Variants in SEPTIN11 observed in about 807,000 individuals in gnomAD.
SEPTIN11 encodes septin 11, also known as septin-11.
Under a neutral mutation model 51.4 loss-of-function variants are expected in SEPTIN11, and 25 were observed. The ratio of observed to expected loss-of-function variants is 0.49; its 90% CI spans 0.35 to 0.68. The LOEUF is 0.68. Among genes scored for constraint, SEPTIN11 ranks in the 30% least tolerant of loss-of-function variants. The pLI is 0.00. For synonymous variants in SEPTIN11, 174 were observed against 184.1 expected (o/e 0.95, Z 0.44); for missense variants, 381 against 520.8 (o/e 0.73, Z 2.61).
chr4:77,028,776 C>G lies in SEPTIN11; in HGVS notation c.1086+15C>G. 6.3e-7 allele frequency: 1 copy of G among 1,599,074 alleles called. No homozygotes were observed. Among genetic ancestry groups the G allele is most frequent in the Non-Finnish European group, 8.5e-7 (1 of 1,175,028 alleles). On this transcript the variant is annotated intron_variant, in intron 8 of 9. Coordinates refer to ENST00000264893, the MANE Select transcript of SEPTIN11 (RefSeq NM_018243.4). ...CAGAGAAAGAGGTAAGCCATCTGTC[C>G]TGCTTCAAGGGAAAGATTTGTAAGA...
intron 4 of SEPTIN11, among the ~76,000 whole-genome samples, chr4:77,013,566 G>C (rs1327179285): frequency 6.6e-6 from 1 of 152,168 alleles, no homozygotes; most frequent in African/African-American, 2.4e-5. Flanking sequence ...GAAGTTTCTT[G>C]TTCCTCTGGT....
chr4:76,959,395 T>C lies in SEPTIN11; in HGVS notation c.27+9465T>C, dbSNP rs184479138. ...TCCCAAAATGCTGAGGTTACAGTTA[T>C]GAGCCACGGGCACATGGCCAGATTA... On this transcript the variant is annotated intron_variant, in intron 1 of 9. Transcript: ENST00000264893. Among the ~76,000 whole-genome samples the C allele has an allele frequency of 6.6e-5, 10 of 151,912 alleles. No homozygotes were observed. In the East Asian group the frequency reaches 1.9e-3, roughly 29 times the overall value.
chr4:77,018,859 A>G (rs893683315), intron 5 of SEPTIN11, among the ~76,000 whole-genome samples: 1 of 152,240 alleles, frequency 6.6e-6, no homozygotes, highest in Non-Finnish European at 1.5e-5. Context: ...TGTTCCTACA[A>G]GCTGTATTTC....
At chr4:77,025,558 G>A (rs576032347) in intron 7 of SEPTIN11, among the ~76,000 whole-genome samples, 1 of 150,656 alleles carries the variant, frequency 6.6e-6, no homozygotes, top group South Asian at 2.1e-4. Context: ...AAAAAAAAAA[G>A]ATGTAAAATC....
intron 1 of SEPTIN11, among the ~76,000 whole-genome samples, chr4:76,986,693 TA>T (rs1484460710): frequency 3.3e-5 from 5 of 152,198 alleles, no homozygotes; most frequent in Admixed American, 6.5e-5. Context: ...GACTTGGTTC[TA>T]CTATTAGAAA....
At chr4:77,026,000 T>C (rs17002332) in intron 7 of SEPTIN11, among the ~76,000 whole-genome samples, 11,360 of 152,178 alleles carry the variant, frequency 0.075, 841 homozygotes, top group African/African-American at 0.19. Flanking sequence ...GGACTGCAGG[T>C]TTCACTATAA....
At chr4:76,990,520 C>T (rs559303742) in intron 1 of SEPTIN11, among the ~76,000 whole-genome samples, 1 of 152,320 alleles carries the variant, frequency 6.6e-6, no homozygotes, top group African/African-American at 2.4e-5. Context: ...GCATTACCGC[C>T]TGAGTTCTGC....
In SEPTIN11 at chr4:77,020,545, G is replaced by A; in HGVS notation, c.828G>A (p.Met276Ile). 1.2e-6 allele frequency: 2 copies of A among 1,614,008 alleles called. No individual in the cohort carries two copies. The highest frequency in any genetic ancestry group is 3.3e-4 in the Middle Eastern group (2 of 6,062). ...NHCDFVKLRE[M>I]LIRVNMEDLR... ...GCGATTTTGTGAAACTTCGAGAGAT[G>A]CTGATCCGCGTGAACATGGAGGACT... is the stretch of plus-strand genomic sequence containing the variant. Residue 276 changes from methionine (M) to isoleucine (I), a missense_variant, in exon 7 of 10, where the codon ATG becomes ATA. This residue lies in a region of SEPTIN11 where 197 missense variants were observed against 313.1 expected (regional missense o/e 0.63). Transcript: ENST00000264893.
At chr4:77,014,143 C>A (rs548814911) in intron 4 of SEPTIN11, among the ~76,000 whole-genome samples, 2 of 152,084 alleles carry the variant, frequency 1.3e-5, no homozygotes, top group Admixed American at 6.6e-5. Context: ...TTGCCTTTGG[C>A]GCTCGATTTT....
intron 7 of SEPTIN11, among the ~76,000 whole-genome samples, chr4:77,027,384 C>T (rs1726241648): frequency 6.6e-6 from 1 of 152,198 alleles, no homozygotes; most frequent in Non-Finnish European, 1.5e-5. Flanking sequence ...GATCCTCCTG[C>T]CTCGGCCTCC....
Position 77,036,847 on chromosome 4 carries a change from G to A in SEPTIN11, c.*2335G>A, listed in dbSNP as rs1727063777. 1.4e-6 allele frequency: 2 copies of A among 1,481,314 alleles called. No homozygotes were observed. 91.8% of individuals were successfully genotyped at this position (1,481,314 alleles called of 1,614,324 possible). On this transcript the variant is annotated 3_prime_UTR_variant, in exon 10 of 10. Coordinates refer to ENST00000264893, the MANE Select transcript of SEPTIN11 (RefSeq NM_018243.4). The stretch of plus-strand genomic sequence containing the variant: ...GCTTTCGCCTTTGCATGTAAGTACG[G>A]TAGTAAGAAACCTTTGAGATCTTTC...
intron 5 of SEPTIN11, among the ~76,000 whole-genome samples, chr4:77,017,203 C>T (rs1396599351): frequency 6.6e-6 from 1 of 152,146 alleles, no homozygotes; most frequent in Non-Finnish European, 1.5e-5. Flanking sequence ...AGTCATGGAA[C>T]TATATCTTTG....
chr4:76,967,585 T>C (rs1324527646), intron 1 of SEPTIN11, among the ~76,000 whole-genome samples: 1 of 152,234 alleles, frequency 6.6e-6, no homozygotes, highest in Non-Finnish European at 1.5e-5. Context: ...ATGTGAAATT[T>C]CCACATCTGA....
At chr4:76,961,658 A>G (rs771955650) in intron 1 of SEPTIN11, among the ~76,000 whole-genome samples, 4 of 152,230 alleles carry the variant, frequency 2.6e-5, no homozygotes, top group African/African-American at 9.6e-5. Context: ...GTTTTATAAT[A>G]AAGTGTTGAC....
At chr4:77,039,426 A>T (rs1727243550), downstream of SEPTIN11, 1 of 1,033,768 alleles carries the variant, frequency 9.7e-7, no homozygotes, top group African/African-American at 1.7e-5. Flanking sequence ...GAAGCTGCTG[A>T]TCCAAGAACT....
chr4:77,039,308 C>T (rs1011614542), downstream of SEPTIN11: 12 of 1,083,734 alleles, frequency 1.1e-5, no homozygotes, highest in African/African-American at 2.0e-4. Context: ...TAGTCATATT[C>T]AATAATATTA....
intron 3 of SEPTIN11, among the ~76,000 whole-genome samples, chr4:77,009,518 G>T: frequency 6.6e-6 from 1 of 152,158 alleles, no homozygotes; most frequent in East Asian, 1.9e-4. Flanking sequence ...TGAATGATTG[G>T]CCAGGACTCT....
In SEPTIN11 at chr4:77,024,199, G is replaced by A. The variant is rs548347998; in HGVS notation, c.953+3529G>A. On this transcript the variant is annotated intron_variant, in intron 7 of 9. Coordinates refer to ENST00000264893, the MANE Select transcript of SEPTIN11 (RefSeq NM_018243.4). The surrounding 1 kb of genome is among the most constrained non-coding windows in gnomAD (Gnocchi z 4.2). ...TATTCAAGCCTTGGCAGCACACCAC[G>A]GCAGTAAAGCTAGCGGAGCCCGTCC... Among the ~76,000 whole-genome samples, 41 of 152,266 alleles carry A rather than the reference G, an allele frequency of 2.7e-4. 1 individual carries two copies. The highest frequency in any genetic ancestry group is 8.9e-4 in the African/African-American group (37 of 41,568).
intron 1 of SEPTIN11, among the ~76,000 whole-genome samples, chr4:76,986,456 C>T (rs1053599607): frequency 3.9e-5 from 6 of 151,930 alleles, no homozygotes; most frequent in Non-Finnish European, 8.8e-5. Flanking sequence ...CAAGGATGGG[C>T]AAGAAAAGTG....
Sources: gnomAD v4.1 joint callset for allele counts (sites outside exome capture counted in the v4.1 genomes callset) on GRCh38, gnomAD v4.1.1 for gene constraint, gnomAD v4.1.1 regional missense constraint, Gnocchi (gnomAD v3.1) non-coding constraint, MANE v1.5 for transcripts, NCBI Gene and HGNC (gene_info 2026-07-23, HGNC 2026-07-21) for gene names.